Variants in EFR3B observed in about 807,000 individuals in gnomAD.
EFR3B encodes the protein protein EFR3 homolog B.
Under a neutral mutation model 104.7 loss-of-function variants are expected in EFR3B, and 64 were observed. The ratio of observed to expected loss-of-function variants is 0.61; its 90% confidence interval spans 0.50 to 0.75. EFR3B has a LOEUF of 0.75. EFR3B is among the 30% of genes least tolerant of loss of function. The pLI is 0.00. For synonymous variants in EFR3B, 385 were observed against 417.9 expected, an observed-to-expected ratio of 0.92 and a Z score of 0.96; for missense variants, 750 against 1,078.5, an observed-to-expected ratio of 0.70 and a Z score of 4.27.
At chr2:25,075,894 C>G (rs1291538773) in intron 1 of EFR3B, among the ~76,000 whole-genome samples, 1 of 152,076 alleles carries the variant, frequency 6.6e-6, no homozygotes, top group African/African-American at 2.4e-5. Context: ...GGAGCCTTGT[C>G]CTCGGGTAGG....
intron 4 of EFR3B, among the ~76,000 whole-genome samples, chr2:25,106,908 T>C (rs1374970821): frequency 6.6e-6 from 1 of 152,212 alleles, no homozygotes; most frequent in Non-Finnish European, 1.5e-5. Context: ...TATGGAAGTT[T>C]GCAGCATTTT....
chr2:25,128,688 G>T (rs1670235223), intron 6 of EFR3B, among the ~76,000 whole-genome samples: 2 of 152,144 alleles, frequency 1.3e-5, no homozygotes. Flanking sequence ...GCCGGGCGCG[G>T]TGGCTCACGC....
Position 25,092,414 on chromosome 2 carries a change from A to T in EFR3B, c.85-589A>T, listed in dbSNP as rs1305022624. ...GTATCATCCATTCCTACACACACAC[A>T]CACACACACTTACACACACACACAC... On this transcript the variant is annotated intron_variant, in intron 2 of 22. Coordinates refer to ENST00000403714, the MANE Select transcript of EFR3B (RefSeq NM_014971.2). Among the ~76,000 whole-genome samples the T allele has an allele frequency of 3.1e-4, 33 of 106,406 alleles. 1 individual carries two copies. The highest frequency in any genetic ancestry group is 1.0e-3 in the Admixed American group (9 of 8,930). The allele number at this position is 106,406 out of a possible 152,430, so 69.8% of individuals were successfully genotyped here. A position where few individuals can be genotyped will look rare whatever the true frequency, so the allele number is the denominator to read the frequency against.
In EFR3B at chr2:25,101,616, G is replaced by A. The variant is rs116603698; in HGVS notation, c.213-2021G>A. 3.1e-3 allele frequency among the ~76,000 whole-genome samples: 479 copies of A among 152,234 alleles called. 1 individual carries two copies. The highest frequency in any genetic ancestry group is 0.011 in the African/African-American group (463 of 41,520). ...CCCACCTCAGCTTCCCAAACTGTTG[G>A]GATTCCAGGTGTGAGCCACCATGCC... On this transcript the variant is annotated intron_variant, in intron 3 of 22. Coordinates refer to ENST00000403714, the MANE Select transcript of EFR3B (RefSeq NM_014971.2).
chr2:25,046,378 C>G (rs1263740694), intron 1 of EFR3B, among the ~76,000 whole-genome samples: 2 of 151,978 alleles, frequency 1.3e-5, no homozygotes, highest in Non-Finnish European at 2.9e-5. Context: ...AAGCAAGACT[C>G]CATCTCAAAA....
intron 1 of EFR3B, among the ~76,000 whole-genome samples, chr2:25,052,496 C>CTTTTT (rs56005417): frequency 3.2e-4 from 31 of 95,692 alleles, no homozygotes; most frequent in East Asian, 5.8e-4. Context: ...AGGCAGAATT[C>CTTTTT]TTTTTTTTTT....
In EFR3B at chr2:25,042,125, A is replaced by T; in HGVS notation, c.-188A>T. The T allele has an allele frequency of 5.0e-6, 2 of 403,450 alleles. No individual in the cohort carries two copies. Among genetic ancestry groups the T allele is most frequent in the Non-Finnish European group, 7.9e-6 (2 of 253,488 alleles). 25.0% of individuals were successfully genotyped at this position (403,450 alleles called of 1,614,324 possible). ...AGGCGGCCGCTGCAGCCCGGCGCTG[A>T]ATGGGCTGGCGGCGCCCGGCTCCGT... is the stretch of plus-strand genomic sequence containing the variant. On this transcript the variant is annotated 5_prime_UTR_variant, in exon 1 of 23. Coordinates refer to ENST00000403714, the MANE Select transcript of EFR3B (RefSeq NM_014971.2). This position sits in a 1 kb window ranked among gnomAD's most constrained non-coding sequence, Gnocchi z 5.4.
At chr2:25,069,185 G>A (rs556442388) in intron 1 of EFR3B, among the ~76,000 whole-genome samples, 17 of 152,290 alleles carry the variant, frequency 1.1e-4, no homozygotes, top group East Asian at 9.6e-4. Flanking sequence ...TGGGATTACA[G>A]GCATGAGCCA....
rs116698464 is a variant in EFR3B at position 25,052,974 on chromosome 2, C to G, written c.7+10655C>G. 1.7e-3 allele frequency among the ~76,000 whole-genome samples: 262 copies of G among 152,244 alleles called. 3 individuals are homozygous for G. The highest frequency in any genetic ancestry group is 6.0e-3 in the African/African-American group (250 of 41,548). ...AAGTTTAATAACTTCTCCATGGCCACCCAGTTATGTGAAAAGTCTGGGATT... is the reference window on the plus strand; with the variant it reads ...AAGTTTAATAACTTCTCCATGGCCAGCCAGTTATGTGAAAAGTCTGGGATT... On this transcript the variant is annotated intron_variant, in intron 1 of 22. Transcript: ENST00000403714.
rs563438384 is a variant in EFR3B at position 25,122,574 on chromosome 2, C to G, written c.485+780C>G. ...TGCTTGCTCGTTCCCCTCCAGCACACCACAGACACTGCCTCAGGGCCTTTG... is the reference window on the plus strand; with the variant it reads ...TGCTTGCTCGTTCCCCTCCAGCACAGCACAGACACTGCCTCAGGGCCTTTG... On this transcript the variant is annotated intron_variant, in intron 5 of 22. Transcript: ENST00000403714. Among the ~76,000 whole-genome samples the G allele has an allele frequency of 9.9e-5, 15 of 152,166 alleles. No homozygotes were observed. In the East Asian group the frequency reaches 2.9e-3, roughly 29 times the overall value.
intron 1 of EFR3B, among the ~76,000 whole-genome samples, chr2:25,069,791 G>T (rs1218045512): frequency 1.3e-5 from 2 of 152,180 alleles, no homozygotes; most frequent in East Asian, 1.9e-4. Context: ...CTGCCTCCCG[G>T]GTTCAGGACA....
chr2:25,145,134 T>A, intron 19 of EFR3B, 83 bp downstream of exon 19: 1 of 1,282,798 alleles, frequency 7.8e-7, no homozygotes, highest in Non-Finnish European at 1.1e-6. Context: ...GCCTGCATAG[T>A]GGGCTTAAGG....
At position 25,067,428 on chromosome 2, in the gene EFR3B, T is replaced by G. The variant is rs544153954; in HGVS notation, c.8-23897T>G. ...CTACAGCCTCCTTTTTAGTTTTTGTTTTTTTTTTTTTGTTTTTTGTTTTTG... is the reference window on the plus strand; with the variant it reads ...CTACAGCCTCCTTTTTAGTTTTTGTGTTTTTTTTTTTGTTTTTTGTTTTTG... On this transcript the variant is annotated intron_variant, in intron 1 of 22. Transcript: ENST00000403714. Among the ~76,000 whole-genome samples, 268 of 116,842 alleles carry G rather than the reference T, an allele frequency of 2.3e-3. 1 individual carries two copies. Among genetic ancestry groups the G allele is most frequent in the Admixed American group, 8.5e-3 (106 of 12,482 alleles). The allele number at this position is 116,842 out of a possible 152,430, so 76.7% of individuals were successfully genotyped here.
chr2:25,093,777 C>T (rs1369524876), intron 3 of EFR3B, among the ~76,000 whole-genome samples: 1 of 152,136 alleles, frequency 6.6e-6, no homozygotes, highest in Non-Finnish European at 1.5e-5. Flanking sequence ...TGCCTTATCC[C>T]ACTTACTGTC....
Position 25,114,655 on chromosome 2 carries a change from GC to G in EFR3B, c.364-7015del, listed in dbSNP as rs1476668464. On this transcript the variant is annotated intron_variant, in intron 4 of 22. Transcript: ENST00000403714. The surrounding 1 kb of genome is among the most constrained non-coding windows in gnomAD (Gnocchi z 4.0). Reference sequence around the variant, plus strand: ...TGGAGCCATGCTACCCTTGGTTCAAGCCCAAACCACCCCAGTTCTCCCCTTC... The same window carrying G: ...TGGAGCCATGCTACCCTTGGTTCAAGCCAAACCACCCCAGTTCTCCCCTTC... Among the ~76,000 whole-genome samples the G allele has an allele frequency of 6.6e-6, 1 of 152,182 alleles. No homozygotes were observed. Among genetic ancestry groups the G allele is most frequent in the East Asian group, 1.9e-4 (1 of 5,188 alleles).
rs1184401237 is a variant in EFR3B, at chr2:25,137,350, C to G, written c.1570C>G (p.Gln524Glu). 1 of 1,552,204 alleles carries G rather than the reference C, an allele frequency of 6.4e-7. No individual in the cohort carries two copies. The highest frequency in any genetic ancestry group is 8.7e-7 in the Non-Finnish European group (1 of 1,147,132). Residue 524 changes from glutamine (Q) to glutamate (E), a missense_variant, in exon 15 of 23, where the codon CAG becomes GAG. Physicochemically the swap from Gln to Glu is conservative, Grantham distance 29. Coordinates refer to ENST00000403714, the MANE Select transcript of EFR3B (RefSeq NM_014971.2). The surrounding 1 kb of genome is among the most constrained non-coding windows in gnomAD (Gnocchi z 4.7). ...DTVFMKKHSQ[Q>E]LYRHIYLSCK... ...CCGCTCCTGTCCCCAGCACTCCCAG[C>G]AGCTCTACAGACACATCTACCTGAG...
intron 4 of EFR3B, among the ~76,000 whole-genome samples, chr2:25,112,393 C>T (rs1443252565): frequency 1.3e-5 from 2 of 152,228 alleles, no homozygotes; most frequent in African/African-American, 4.8e-5. Context: ...TCCCAGGAGT[C>T]CTTAAAACCA....
chr2:25,112,983 GC>G (rs35124127), intron 4 of EFR3B, among the ~76,000 whole-genome samples: 52,353 of 151,794 alleles, frequency 0.34, 10,182 homozygotes, highest in Non-Finnish European at 0.46. Context: ...AATCTTTGGA[GC>G]TTTTACTCTC....
intron 1 of EFR3B, among the ~76,000 whole-genome samples, chr2:25,085,092 C>T (rs1018189836): frequency 1.3e-5 from 2 of 152,190 alleles, no homozygotes; most frequent in African/African-American, 4.8e-5. Context: ...TGAACCCTAC[C>T]CCGTGTCTTC....
Sources: allele counts gnomAD v4.1 joint callset (sites outside exome capture counted in the v4.1 genomes callset), GRCh38; gene constraint gnomAD v4.1.1; non-coding constraint Gnocchi (gnomAD v3.1); transcripts MANE v1.5; gene names NCBI Gene and HGNC (gene_info 2026-07-23, HGNC 2026-07-21).